Variants in PGCKA1 observed in about 807,000 individuals in gnomAD.
PGCKA1 encodes PDCD10 and GCKIII kinases-associated protein 1.
chr4:37,559,845 C>T, the PGCKA1 span, among the ~76,000 whole-genome samples: 1 of 152,192 alleles, frequency 6.6e-6, no homozygotes, highest in Non-Finnish European at 1.5e-5. Context: ...TCCAGTGGAA[C>T]CAGCCTGGTC....
the PGCKA1 span, among the ~76,000 whole-genome samples, chr4:37,555,367 G>A: frequency 7.2e-5 from 11 of 152,186 alleles, no homozygotes; most frequent in African/African-American, 1.9e-4. Context: ...CAAGAATTAT[G>A]TGACGTTATC....
chr4:37,567,064 AAAAAAAT>A, the PGCKA1 span, among the ~76,000 whole-genome samples: 57 of 152,216 alleles, frequency 3.7e-4, no homozygotes, highest in Admixed American at 1.0e-3. Context: ...CAGCGGACAA[AAAAAAAT>A]AAAATAAAAT....
At chr4:37,555,599 G>T in the PGCKA1 span, among the ~76,000 whole-genome samples, 1 of 152,148 alleles carries the variant, frequency 6.6e-6, no homozygotes, top group East Asian at 1.9e-4. Flanking sequence ...GAGACAAAGG[G>T]TGTGGCTCGA....
the PGCKA1 span, among the ~76,000 whole-genome samples, chr4:37,475,313 A>G: frequency 1.3e-5 from 2 of 152,120 alleles, no homozygotes; most frequent in African/African-American, 4.8e-5. Flanking sequence ...GGAGCACTTC[A>G]ACCCCAGCAC....
At chr4:37,548,077 G>T in the PGCKA1 span, among the ~76,000 whole-genome samples, 1 of 151,330 alleles carries the variant, frequency 6.6e-6, no homozygotes, top group Admixed American at 6.6e-5. Flanking sequence ...TTCTTGTCCT[G>T]AAATAAATTA....
chr4:37,567,777 C>A, the PGCKA1 span, among the ~76,000 whole-genome samples: 13 of 152,114 alleles, frequency 8.5e-5, no homozygotes, highest in African/African-American at 2.9e-4. Context: ...CCCAGTGGAG[C>A]CATCGTGAAG....
the PGCKA1 span, among the ~76,000 whole-genome samples, chr4:37,578,616 C>T: frequency 7.2e-5 from 11 of 152,148 alleles, no homozygotes; most frequent in Admixed American, 2.0e-4. Flanking sequence ...TTGTGGTCTT[C>T]CTTTCCTTCA....
chr4:37,483,183 CT>C, the PGCKA1 span, among the ~76,000 whole-genome samples: 2 of 152,130 alleles, frequency 1.3e-5, no homozygotes, highest in African/African-American at 4.8e-5. Flanking sequence ...ATTCTTCTTC[CT>C]GACACCATGT....
chr4:37,528,092 T>C, the PGCKA1 span, among the ~76,000 whole-genome samples: 1 of 152,214 alleles, frequency 6.6e-6, no homozygotes, highest in Non-Finnish European at 1.5e-5. Flanking sequence ...ATTTTTTAAA[T>C]TGAGTTTGTC....
the PGCKA1 span, among the ~76,000 whole-genome samples, chr4:37,583,968 G>C: frequency 6.6e-6 from 1 of 152,162 alleles, no homozygotes; most frequent in South Asian, 2.1e-4. Context: ...CTGATAGACT[G>C]CTCATTTTGA....
the PGCKA1 span, among the ~76,000 whole-genome samples, chr4:37,494,759 G>C: frequency 0.59 from 89,308 of 151,952 alleles, 26,572 homozygotes; most frequent in South Asian, 0.75. Context: ...ATAAGCCTTC[G>C]CTTTTCTCCG....
At chr4:37,541,903 C>T in the PGCKA1 span, among the ~76,000 whole-genome samples, 1 of 152,118 alleles carries the variant, frequency 6.6e-6, no homozygotes, top group Non-Finnish European at 1.5e-5. Flanking sequence ...CCAGTGGCGG[C>T]AGGCTGGACA....
At chr4:37,588,483 G>A in the PGCKA1 span, 14 of 174,386 alleles carry the variant, frequency 8.0e-5, no homozygotes, top group Non-Finnish European at 1.5e-4. Flanking sequence ...GCCCTGGTGA[G>A]GTTCCTGTGT....
the PGCKA1 span, among the ~76,000 whole-genome samples, chr4:37,561,868 C>T: frequency 6.6e-6 from 1 of 152,132 alleles, no homozygotes; most frequent in Non-Finnish European, 1.5e-5. Flanking sequence ...ATTGTTAATT[C>T]ATTAACATTG....
the PGCKA1 span, among the ~76,000 whole-genome samples, chr4:37,545,119 G>A: frequency 6.6e-6 from 1 of 152,140 alleles, no homozygotes; most frequent in East Asian, 1.9e-4. Flanking sequence ...GCCTCCCCAA[G>A]TGCTGGGATT....
At chr4:37,552,084 G>GC in the PGCKA1 span, among the ~76,000 whole-genome samples, 1 of 152,220 alleles carries the variant, frequency 6.6e-6, no homozygotes, top group African/African-American at 2.4e-5. Flanking sequence ...AAGACAGGCA[G>GC]CCCGGGGCCA....
At chr4:37,550,241 T>C in the PGCKA1 span, among the ~76,000 whole-genome samples, 5 of 152,020 alleles carry the variant, frequency 3.3e-5, no homozygotes, top group Admixed American at 1.3e-4. Flanking sequence ...AAGTAATAGC[T>C]AGAACAGAAG....
At chr4:37,480,771 T>C in the PGCKA1 span, among the ~76,000 whole-genome samples, 2,724 of 152,350 alleles carry the variant, frequency 0.018, 103 homozygotes, top group African/African-American at 0.062. Flanking sequence ...CTAGAATGTC[T>C]CTGGGAAGGG....
At chr4:37,592,724 T>C in the PGCKA1 span, among the ~76,000 whole-genome samples, 1 of 151,460 alleles carries the variant, frequency 6.6e-6, no homozygotes, top group Non-Finnish European at 1.5e-5. Context: ...ATGTATCCCT[T>C]TACCCATCTG....
Sources: allele counts gnomAD v4.1 joint callset (sites outside exome capture counted in the v4.1 genomes callset), GRCh38; gene constraint gnomAD v4.1.1; transcripts MANE v1.5; gene names NCBI Gene and HGNC (gene_info 2026-07-23, HGNC 2026-07-21).